The following LEPR variants were observed in gnomAD, a reference collection of about 807,000 sequenced individuals.
LEPR encodes the protein OB receptor.
A neutral mutation model predicts 114.7 loss-of-function variants in LEPR; 56 were observed. The observed-to-expected ratio is 0.49, with a 90% CI of 0.39 to 0.61. The LOEUF (loss-of-function observed/expected upper bound fraction) is 0.61, where lower values mean the gene tolerates loss of function less well. LEPR is among the 20% of genes least tolerant of loss of function. The pLI, the probability that LEPR is intolerant of heterozygous loss-of-function variation, is 0.00. For missense variants in LEPR, 1,202 were observed against 1,352.9 expected (o/e 0.89, Z 1.75); for synonymous variants, 443 against 461.4 (o/e 0.96, Z 0.51).
intron 5 of LEPR, among the ~76,000 whole-genome samples, chr1:65,575,282 C>T (rs1654505574): frequency 6.8e-6 from 1 of 147,162 alleles, no homozygotes; most frequent in South Asian, 2.1e-4. Flanking sequence ...CATGGTGAAA[C>T]AGAGCATAGG....
At chr1:65,565,750 A>T in intron 3 of LEPR, 145 bp downstream of exon 3, 1 of 1,123,312 alleles carries the variant, frequency 8.9e-7, no homozygotes, top group Non-Finnish European at 1.3e-6. Context: ...AAAAATGCAA[A>T]CCATAGTATA....
At chr1:65,566,079 A>C (rs2100785913) in intron 3 of LEPR, among the ~76,000 whole-genome samples, 1 of 152,282 alleles carries the variant, frequency 6.6e-6, no homozygotes, top group Middle Eastern at 3.4e-3. Flanking sequence ...AATATATATA[A>C]AATTATTAGT....
intron 14 of LEPR, among the ~76,000 whole-genome samples, chr1:65,614,768 A>G (rs771734659): frequency 3.3e-5 from 5 of 152,200 alleles, no homozygotes; most frequent in African/African-American, 4.8e-5. Flanking sequence ...TTTAGGATAC[A>G]TGTACATTTT....
chr1:65,594,624 G>A (rs1239910266), intron 6 of LEPR, among the ~76,000 whole-genome samples: 1 of 152,070 alleles, frequency 6.6e-6, no homozygotes, highest in Non-Finnish European at 1.5e-5. Context: ...CATTGTATTT[G>A]AGATGTCTAT....
At chr1:65,582,696 G>A (rs1001594964) in intron 5 of LEPR, among the ~76,000 whole-genome samples, 1 of 152,084 alleles carries the variant, frequency 6.6e-6, no homozygotes, top group African/African-American at 2.4e-5. Flanking sequence ...TTTGAGTTCT[G>A]ATCTAAGGCA....
chr1:65,547,712 G>A (rs1353822183), intron 2 of LEPR, among the ~76,000 whole-genome samples: 1 of 147,420 alleles, frequency 6.8e-6, no homozygotes, highest in African/African-American at 2.5e-5. Flanking sequence ...TTCTTTATTA[G>A]TCTTGCTAGC....
At chr1:65,571,761 C>T (rs1306108886) in intron 4 of LEPR, among the ~76,000 whole-genome samples, 1 of 141,978 alleles carries the variant, frequency 7.0e-6, no homozygotes, top group African/African-American at 2.7e-5. Context: ...AGAGACCAGC[C>T]TGGGCAACAT....
intron 2 of LEPR, among the ~76,000 whole-genome samples, chr1:65,449,589 A>AGGAGCTGGAGCCTGTGCCAGAGCC (rs1309579423): frequency 3.9e-5 from 6 of 152,016 alleles, no homozygotes; most frequent in African/African-American, 9.7e-5. Flanking sequence ...CTGCAGCTGA[A>AGGAGCTGGAGCCTGTGCCAGAGCC]GGAGCTGGAG....
At chr1:65,580,483 G>A (rs183143013) in intron 5 of LEPR, among the ~76,000 whole-genome samples, 6 of 152,326 alleles carry the variant, frequency 3.9e-5, no homozygotes, top group Admixed American at 3.3e-4. Flanking sequence ...TGTCCCTTAA[G>A]GGAAAGCTTT....
intron 2 of LEPR, among the ~76,000 whole-genome samples, chr1:65,448,972 C>T (rs933593913): frequency 4.6e-5 from 7 of 152,062 alleles, no homozygotes; most frequent in Non-Finnish European, 1.0e-4. Flanking sequence ...TGGCTCACTG[C>T]AACCTCCACC....
At chr1:65,611,430 A>G (rs1220283931) in intron 14 of LEPR, among the ~76,000 whole-genome samples, 3 of 152,154 alleles carry the variant, frequency 2.0e-5, no homozygotes, top group African/African-American at 7.2e-5. Flanking sequence ...TATTTTTCTC[A>G]TATTTTTGGT....
intron 11 of LEPR, among the ~76,000 whole-genome samples, chr1:65,608,144 G>A (rs1656930742): frequency 7.4e-6 from 1 of 135,620 alleles, no homozygotes; most frequent in Non-Finnish European, 1.6e-5. Flanking sequence ...AATTGATGCA[G>A]TCCATGGGTT....
At chr1:65,583,203 A>G (rs993672196) in intron 5 of LEPR, among the ~76,000 whole-genome samples, 2 of 152,268 alleles carry the variant, frequency 1.3e-5, no homozygotes, top group Admixed American at 1.3e-4. Context: ...GAGCCCAACA[A>G]TCTTGCAGAG....
intron 10 of LEPR, 23 bp from the exon 11 acceptor site, chr1:65,605,015 G>A (rs1383535858): frequency 3.1e-6 from 5 of 1,608,650 alleles, no homozygotes; most frequent in Non-Finnish European, 1.7e-6. Context: ...TATACTAATT[G>A]ACTATTTTTG....
intron 11 of LEPR, among the ~76,000 whole-genome samples, chr1:65,606,461 A>G (rs562954376): frequency 6.6e-6 from 1 of 152,304 alleles, no homozygotes; most frequent in Admixed American, 6.5e-5. Flanking sequence ...AAGTAACTCA[A>G]CGTTGGGATC....
chr1:65,588,852 T>C (rs1655498305), intron 5 of LEPR, among the ~76,000 whole-genome samples: 1 of 152,098 alleles, frequency 6.6e-6, no homozygotes, highest in Admixed American at 6.6e-5. Context: ...ATTTAAATTG[T>C]TTATAGTTTT....
intron 3 of LEPR, among the ~76,000 whole-genome samples, chr1:65,565,859 ACACAGACT>A (rs761392302): frequency 6.6e-5 from 10 of 151,150 alleles, no homozygotes; most frequent in East Asian, 2.0e-4. Flanking sequence ...ACACACACAC[ACACAGACT>A]CACACACACA....
At chr1:65,469,675 C>T (rs1244366842) in intron 2 of LEPR, among the ~76,000 whole-genome samples, 1 of 152,180 alleles carries the variant, frequency 6.6e-6, no homozygotes, top group East Asian at 1.9e-4. Flanking sequence ...CCATTCCTAA[C>T]ACTTAGCAAA....
rs145293841 is a variant in LEPR at position 65,429,916 on chromosome 1, T to G, written c.-21+4538T>G. On this transcript the variant is annotated intron_variant, in intron 2 of 19. Coordinates refer to ENST00000349533, the MANE Select transcript of LEPR (RefSeq NM_002303.6). ...TCCACGCCATCTCCCCCATCCCCCA[T>G]TTCATTGCCAAAAGAGTCACCTATG... The G allele has an allele frequency of 8.5e-5, 131 of 1,547,404 alleles. No individual in the cohort carries two copies. The African/African-American group carries it at 1.5e-3, about 18-fold the overall frequency.
Sources: allele counts gnomAD v4.1 joint callset (sites outside exome capture counted in the v4.1 genomes callset), GRCh38; gene constraint gnomAD v4.1.1; transcripts MANE v1.5; gene names NCBI Gene and HGNC (gene_info 2026-07-23, HGNC 2026-07-21).